Variants in SP2 observed in about 807,000 individuals in gnomAD.
SP2 encodes Sp2 transcription factor.
SP2 carries 9 observed loss-of-function variants against 50.1 expected under a neutral mutation model. That is an observed-to-expected ratio of 0.18 (90% confidence interval 0.11 to 0.31). The LOEUF (loss-of-function observed/expected upper bound fraction) is 0.31, where lower values mean the gene tolerates loss of function less well. SP2 is among the 10% of genes least tolerant of loss of function. SP2 has a pLI of 1.00. For missense variants in SP2, 581 were observed against 806.5 expected (o/e 0.72, Z 3.39); for synonymous variants, 313 against 326.6 (o/e 0.96, Z 0.45).
At chr17:47,931,203 C>T (rs530517400), downstream of SP2, among the ~76,000 whole-genome samples, 4 of 152,122 alleles carry the variant, frequency 2.6e-5, no homozygotes, top group Admixed American at 2.6e-4. Flanking sequence ...ATTAGCCGGG[C>T]GTGGTGGCGC....
Position 47,916,921 on chromosome 17 carries a change from C to T in SP2, c.850C>T (p.Leu284=). ...ADNIIQAGNN[L]LIVQSPGGGQ... is the part of the protein sequence containing the mutation. ...CAACATCATCCAGGCAGGAAATAAC[C>T]TGCTCATTGTTCAGAGCCCTGGTGG... The change falls in exon 3 of 7, where the codon CTG becomes TTG. Residue 284 remains leucine (L), a synonymous_variant. Transcript: ENST00000376741. This position sits in a 1 kb window ranked among gnomAD's most constrained non-coding sequence, Gnocchi z 4.7. 1 of 1,614,164 alleles carries T rather than the reference C, an allele frequency of 6.2e-7. No individual in the cohort carries two copies. The highest frequency in any genetic ancestry group is 8.5e-7 in the Non-Finnish European group (1 of 1,180,008).
At chr17:47,908,965 A>G (rs544016701) in intron 1 of SP2, among the ~76,000 whole-genome samples, 1 of 152,328 alleles carries the variant, frequency 6.6e-6, no homozygotes, top group South Asian at 2.1e-4. Flanking sequence ...CAGAGAAGGG[A>G]GAACATAGTA....
chr17:47,923,469 A>G (rs558204422), intron 4 of SP2, among the ~76,000 whole-genome samples, 195 bp downstream of exon 4: 1 of 152,358 alleles, frequency 6.6e-6, no homozygotes, highest in Admixed American at 6.5e-5. Context: ...ACATGTCCCC[A>G]TCTGACAGCT....
At chr17:47,926,963 GCAGAGGAGTCAACACTCCA>G (rs1402613052) in intron 6 of SP2, among the ~76,000 whole-genome samples, 29 of 152,334 alleles carry the variant, frequency 1.9e-4, no homozygotes, top group Middle Eastern at 3.4e-3. Context: ...TCCCCAAAAG[GCAGAGGAGTCAACACTCCA>G]CAGAAAAGCA....
At chr17:47,926,885 G>A (rs1170790245) in intron 6 of SP2, among the ~76,000 whole-genome samples, 4 of 152,234 alleles carry the variant, frequency 2.6e-5, no homozygotes, top group African/African-American at 9.6e-5. Flanking sequence ...CTGTCCTGGG[G>A]CTAGAGGGCT....
chr17:47,912,170 C>T (rs962803998), intron 1 of SP2, among the ~76,000 whole-genome samples: 2 of 152,192 alleles, frequency 1.3e-5, no homozygotes, highest in African/African-American at 4.8e-5. Flanking sequence ...TCCTTGTGGT[C>T]ACTCCTTCCT....
rs536634603 is a variant in SP2, at chr17:47,912,442, C to CTTTT, written c.8-2856_8-2853dup. Among the ~76,000 whole-genome samples the CTTTT allele has an allele frequency of 1.9e-3, 261 of 140,192 alleles. 1 individual carries two copies. The highest frequency in any genetic ancestry group is 6.6e-3 in the African/African-American group (249 of 37,862). The allele number at this position is 140,192 out of a possible 152,430, so 92.0% of individuals were successfully genotyped here. The stretch of plus-strand genomic sequence containing the variant: ...TCCAGGGCTTCAGTTTCCACTTCAC[C>CTTTT]TTTTTTTTTTTTTTTTTATGGAGAT... On this transcript the variant is annotated intron_variant, in intron 1 of 6. Transcript: ENST00000376741.
chr17:47,908,936 G>A (rs1475550072), intron 1 of SP2, among the ~76,000 whole-genome samples: 1 of 152,180 alleles, frequency 6.6e-6, no homozygotes, highest in African/African-American at 2.4e-5. Flanking sequence ...CACATGTCCT[G>A]CCTCTGGTTA....
intron 1 of SP2, among the ~76,000 whole-genome samples, chr17:47,903,591 G>A (rs1030892270): frequency 8.6e-5 from 13 of 151,790 alleles, no homozygotes; most frequent in Non-Finnish European, 1.9e-4. Flanking sequence ...CACTTGAACC[G>A]GGGGGCGGAG....
intron 3 of SP2, 99 bp downstream of exon 3, chr17:47,917,229 C>A: frequency 7.9e-7 from 1 of 1,273,322 alleles, no homozygotes; most frequent in Non-Finnish European, 1.1e-6. Flanking sequence ...TTGATCTGAC[C>A]TTGAGAGTCA....
At chr17:47,904,801 A>C (rs1386721515) in intron 1 of SP2, among the ~76,000 whole-genome samples, 1 of 152,206 alleles carries the variant, frequency 6.6e-6, no homozygotes, top group East Asian at 1.9e-4. Context: ...ACAGGGTCTC[A>C]CTCTGTCATT....
intron 2 of SP2, 109 bp downstream of exon 2, chr17:47,915,497 T>G (rs1475783709): frequency 3.1e-6 from 2 of 649,000 alleles, no homozygotes; most frequent in East Asian, 6.0e-5. Flanking sequence ...GTTATGAGAC[T>G]GGGGAAGGTT....
chr17:47,921,521 G>T (rs1483030851), intron 3 of SP2, among the ~76,000 whole-genome samples: 1 of 152,204 alleles, frequency 6.6e-6, no homozygotes, highest in Non-Finnish European at 1.5e-5. Context: ...CAAAGTGCTG[G>T]GATTACAGGC....
intron 3 of SP2, among the ~76,000 whole-genome samples, chr17:47,921,331 C>T (rs1567700864): frequency 6.6e-6 from 1 of 152,202 alleles, no homozygotes; most frequent in African/African-American, 2.4e-5. Flanking sequence ...TCACTGCAAC[C>T]TCCACCTCCC....
intron 3 of SP2, chr17:47,917,691 T>TACAGTC: frequency 2.9e-6 from 1 of 347,382 alleles, no homozygotes; most frequent in South Asian, 2.1e-5. Context: ...ATGCGGTCAC[T>TACAGTC]ACAGTCTTAA....
At position 47,904,560 on chromosome 17, in the gene SP2, A is replaced by G. The variant is rs144659584; in HGVS notation, c.7+8267A>G. On this transcript the variant is annotated intron_variant, in intron 1 of 6. Coordinates refer to ENST00000376741, the MANE Select transcript of SP2 (RefSeq NM_003110.6). ...CATTGCCTGAGGCTGGGGGTCTGAG[A>G]TGGCGGAGTGGGGGGAGATGGGAGG... Among the ~76,000 whole-genome samples the G allele has an allele frequency of 1.8e-3, 273 of 151,568 alleles. 1 individual carries two copies. Among genetic ancestry groups the G allele is most frequent in the African/African-American group, 6.2e-3 (258 of 41,302 alleles).
At chr17:47,903,744 G>A (rs554025690) in intron 1 of SP2, among the ~76,000 whole-genome samples, 11 of 152,180 alleles carry the variant, frequency 7.2e-5, no homozygotes, top group East Asian at 3.9e-4. Flanking sequence ...GTCGGATCAC[G>A]AAGTCAGGAG....
rs2034325099 is a variant in SP2 at position 47,896,306 on chromosome 17, C to A, written c.7+13C>A. The A allele has an allele frequency of 1.6e-6, 2 of 1,237,780 alleles. No individual in the cohort carries two copies. The highest frequency in any genetic ancestry group is 4.1e-5 in the South Asian group (1 of 24,446). 76.7% of individuals were successfully genotyped at this position (1,237,780 alleles called of 1,614,324 possible). On this transcript the variant is annotated intron_variant, in intron 1 of 6. Coordinates refer to ENST00000376741, the MANE Select transcript of SP2 (RefSeq NM_003110.6). ...GTCGTAATGAGCGGTGGGTCCCGGCCGCTGCCGGCGGGGTCTTCCCGGCCC... is the reference window on the plus strand; with the variant it reads ...GTCGTAATGAGCGGTGGGTCCCGGCAGCTGCCGGCGGGGTCTTCCCGGCCC...
chr17:47,919,421 A>T lies in SP2; in HGVS notation c.1059+2291A>T, dbSNP rs185434970. On this transcript the variant is annotated intron_variant, in intron 3 of 6. Coordinates refer to ENST00000376741, the MANE Select transcript of SP2 (RefSeq NM_003110.6). Reference sequence around the variant, plus strand: ...ACCCTGTCTCTATTTAAAAAAAAAAAATTTTTTTTAAAGAGATGAGATGTT... The same window carrying T: ...ACCCTGTCTCTATTTAAAAAAAAAATATTTTTTTTAAAGAGATGAGATGTT... Among the ~76,000 whole-genome samples the T allele has an allele frequency of 6.4e-4, 97 of 152,122 alleles. No individual in the cohort carries two copies. In the East Asian group the frequency reaches 0.013, roughly 20 times the overall value.
Sources: gnomAD v4.1 joint callset for allele counts (sites outside exome capture counted in the v4.1 genomes callset) on GRCh38, gnomAD v4.1.1 for gene constraint, Gnocchi (gnomAD v3.1) non-coding constraint, MANE v1.5 for transcripts, NCBI Gene and HGNC (gene_info 2026-07-23, HGNC 2026-07-21) for gene names.